Variants in TJP1 observed in about 807,000 individuals in gnomAD.
TJP1 encodes tight junction protein ZO-1.
Under a neutral mutation model 194.2 loss-of-function variants are expected in TJP1, and 43 were observed. The observed-to-expected ratio is 0.22, with a 90% CI of 0.17 to 0.29. The LOEUF (loss-of-function observed/expected upper bound fraction) is 0.29. Among genes scored for constraint, TJP1 ranks in the 10% least tolerant of loss-of-function variants. The probability of loss-of-function intolerance (pLI) is 1.00; values close to 1 mark genes in which losing one functional copy is unlikely to be tolerated. For synonymous variants in TJP1, 801 were observed against 779.0 expected, an observed-to-expected ratio of 1.03 and a Z score of -0.47; for missense variants, 1,971 against 2,185.7, an observed-to-expected ratio of 0.90 and a Z score of 1.96.
At chr15:29,847,722 T>C (rs190089495) in intron 2 of TJP1, among the ~76,000 whole-genome samples, 36 of 151,996 alleles carry the variant, frequency 2.4e-4, no homozygotes, top group African/African-American at 8.4e-4. Flanking sequence ...GAGGCGGAGG[T>C]TGCAGTGAGC....
At chr15:29,713,023 G>A (rs1388721316) in intron 23 of TJP1, among the ~76,000 whole-genome samples, 1 of 152,130 alleles carries the variant, frequency 6.6e-6, no homozygotes, top group African/African-American at 2.4e-5. Context: ...TGTGGTGGTG[G>A]AGTCTTACTG....
chr15:29,735,602 AAAAAG>A (rs2043976525), intron 11 of TJP1, among the ~76,000 whole-genome samples: 2 of 151,864 alleles, frequency 1.3e-5, no homozygotes, highest in African/African-American at 4.8e-5. Context: ...AAAAAAAAAA[AAAAAG>A]AAAGAAACGT....
intron 2 of TJP1, among the ~76,000 whole-genome samples, chr15:29,858,237 T>C (rs1048532506): frequency 6.6e-6 from 1 of 151,940 alleles, no homozygotes; most frequent in Non-Finnish European, 1.5e-5. Flanking sequence ...TTCGTCTCTA[T>C]AAAAAATACA....
chr15:29,778,332 T>TAA (rs879662901), intron 2 of TJP1, among the ~76,000 whole-genome samples: 2 of 143,800 alleles, frequency 1.4e-5, no homozygotes, highest in African/African-American at 5.1e-5. Flanking sequence ...TTGGTGGACT[T>TAA]AAAAAAAAAA....
intron 2 of TJP1, among the ~76,000 whole-genome samples, chr15:29,839,034 T>G (rs1274805790): frequency 3.1e-5 from 4 of 128,772 alleles, no homozygotes; most frequent in Non-Finnish European, 4.7e-5. Context: ...AGTCTGGCTC[T>G]GTCACCCAGG....
intron 2 of TJP1, among the ~76,000 whole-genome samples, chr15:29,870,684 C>T (rs1178000966): frequency 6.6e-6 from 1 of 152,126 alleles, no homozygotes; most frequent in African/African-American, 2.4e-5. Context: ...ATAATGTGCC[C>T]TTATCAATTC....
chr15:29,753,416 G>A (rs1413678728), intron 8 of TJP1, among the ~76,000 whole-genome samples: 3 of 150,032 alleles, frequency 2.0e-5, no homozygotes, highest in African/African-American at 4.9e-5. Flanking sequence ...CCTGGGAGGC[G>A]GAGCTCGCAG....
intron 1 of TJP1, among the ~76,000 whole-genome samples, chr15:29,814,070 T>C (rs2049725535): frequency 1.3e-5 from 2 of 152,238 alleles, no homozygotes; most frequent in African/African-American, 4.8e-5. Flanking sequence ...GAGATATTGA[T>C]ACCAAACATA....
intron 1 of TJP1, among the ~76,000 whole-genome samples, chr15:29,958,291 G>GTT (rs34187703): frequency 2.1e-5 from 3 of 141,080 alleles, no homozygotes; most frequent in African/African-American, 5.2e-5. Context: ...TCTCTTTTTA[G>GTT]TTTTTTTTTT....
chr15:29,854,094 G>T (rs1440070543), intron 2 of TJP1, among the ~76,000 whole-genome samples: 2 of 152,070 alleles, frequency 1.3e-5, no homozygotes. Context: ...TATTTCCAAA[G>T]AAAATTACTT....
intron 2 of TJP1, among the ~76,000 whole-genome samples, chr15:29,773,968 G>C (rs1595848077): frequency 6.6e-6 from 1 of 152,148 alleles, no homozygotes; most frequent in East Asian, 1.9e-4. Context: ...AAAGAGCCAA[G>C]AATCTTTACC....
At chr15:29,881,514 C>T (rs1284696614) in intron 2 of TJP1, among the ~76,000 whole-genome samples, 1 of 152,124 alleles carries the variant, frequency 6.6e-6, no homozygotes, top group Admixed American at 6.5e-5. Context: ...TTAAATTCTG[C>T]CAGTGTCACT....
intron 8 of TJP1, among the ~76,000 whole-genome samples, chr15:29,753,444 A>G (rs1176196848): frequency 7.1e-6 from 1 of 140,352 alleles, no homozygotes; most frequent in Non-Finnish European, 1.5e-5. Flanking sequence ...AGATCGTGCC[A>G]CTGCACTCCA....
At chr15:29,964,394 T>C (rs2056262984) in intron 1 of TJP1, among the ~76,000 whole-genome samples, 1 of 72,122 alleles carries the variant, frequency 1.4e-5, no homozygotes, top group Non-Finnish European at 2.8e-5. Context: ...AAATTAAAAA[T>C]TAAAAGTTTT....
intron 2 of TJP1, among the ~76,000 whole-genome samples, chr15:29,924,007 T>C (rs2054449131): frequency 6.6e-6 from 1 of 152,220 alleles, no homozygotes. Flanking sequence ...TAAAAAGCTA[T>C]CTGACATATT....
At chr15:29,768,064 T>C (rs1317864789) in intron 4 of TJP1, among the ~76,000 whole-genome samples, 1 of 152,210 alleles carries the variant, frequency 6.6e-6, no homozygotes, top group Non-Finnish European at 1.5e-5. Flanking sequence ...TTCTCTCTTC[T>C]CTATGTGCCT....
intron 2 of TJP1, among the ~76,000 whole-genome samples, chr15:29,846,493 G>T (rs1190579212): frequency 1.3e-5 from 2 of 152,080 alleles, no homozygotes; most frequent in Admixed American, 1.3e-4. Flanking sequence ...CTGGATAAAA[G>T]GGGGAAATGA....
rs1490973928 is a variant in TJP1, at chr15:29,761,270, C to T, written c.879G>A (p.Gln293=). ...ASERDDISEI[Q]SLASDHSGRS... ...GACCAGAATGATCTGATGCCAGTGACTGAATTTCTGAAATGTCTGTTAATA... is the reference window on the plus strand; with the variant it reads ...GACCAGAATGATCTGATGCCAGTGATTGAATTTCTGAAATGTCTGTTAATA... Residue 293 remains glutamine, a synonymous_variant, in exon 8 of 28, where the codon CAG becomes CAA. Coordinates refer to ENST00000614355, the MANE Select transcript of TJP1 (RefSeq NM_001330239.4). 2 of 1,613,454 alleles carry T rather than the reference C, an allele frequency of 1.2e-6. No individual in the cohort carries two copies. The highest frequency in any genetic ancestry group is 1.3e-5 in the African/African-American group (1 of 74,884).
intron 2 of TJP1, among the ~76,000 whole-genome samples, chr15:29,792,749 T>C (rs2048175205): frequency 6.6e-6 from 1 of 152,176 alleles, no homozygotes; most frequent in African/African-American, 2.4e-5. Flanking sequence ...GACCATGGAG[T>C]ATCTTTCCAC....
Sources: gnomAD v4.1 joint callset for allele counts (sites outside exome capture counted in the v4.1 genomes callset) on GRCh38, gnomAD v4.1.1 for gene constraint, MANE v1.5 for transcripts, NCBI Gene and HGNC (gene_info 2026-07-23, HGNC 2026-07-21) for gene names.